The following SGCZ variants were observed in gnomAD, a reference collection of about 807,000 sequenced individuals.
SGCZ encodes the protein sarcoglycan zeta.
In SGCZ, 40 loss-of-function variants were observed where a neutral mutation model predicts 41.3. The observed-to-expected ratio is 0.97, with a 90% CI of 0.75 to 1.26. The LOEUF is 1.26. SGCZ is among the 50% of genes most tolerant of loss of function. The probability of loss-of-function intolerance (pLI) is 0.00; values close to 1 mark genes in which losing one functional copy is unlikely to be tolerated. For synonymous variants in SGCZ, 206 were observed against 137.5 expected (o/e 1.50, Z -3.49); for missense variants, 552 against 369.8 (o/e 1.49, Z -4.04).
In SGCZ at chr8:14,272,549, G is replaced by C. The variant is rs1306029071; in HGVS notation, c.337-34870C>G. 2.0e-5 allele frequency among the ~76,000 whole-genome samples: 3 copies of C among 152,274 alleles called. No homozygotes were observed. In the East Asian group the frequency reaches 5.8e-4, roughly 30 times the overall value. On this transcript the variant is annotated intron_variant, in intron 3 of 7. Transcript: ENST00000382080. The stretch of plus-strand genomic sequence containing the variant: ...ATATGACATGACTGAACTTGGAGTT[G>C]TCAGTGAAAGCACAAATTAATTCCT...
intron 5 of SGCZ, among the ~76,000 whole-genome samples, chr8:14,119,024 A>G (rs1462753969): frequency 2.0e-5 from 3 of 152,152 alleles, no homozygotes; most frequent in Non-Finnish European, 4.4e-5. Context: ...CTTTTTACTT[A>G]GGATTGTCTT....
intron 1 of SGCZ, among the ~76,000 whole-genome samples, chr8:15,156,074 A>T (rs928283601): frequency 2.6e-5 from 4 of 151,476 alleles, no homozygotes; most frequent in South Asian, 2.1e-4. Flanking sequence ...AAAAAAAAAA[A>T]ATAGAAGAGT....
At chr8:14,164,900 G>C (rs1239577149) in intron 4 of SGCZ, 198 bp from the exon 5 acceptor site, 4 of 631,586 alleles carry the variant, frequency 6.3e-6, no homozygotes, top group Non-Finnish European at 1.0e-5. Context: ...TGCTAGGCTG[G>C]TTAGGCATAC....
At chr8:14,809,858 C>T (rs1801687145) in intron 1 of SGCZ, among the ~76,000 whole-genome samples, 1 of 151,912 alleles carries the variant, frequency 6.6e-6, no homozygotes, top group African/African-American at 2.4e-5. Flanking sequence ...GAACGCAAGC[C>T]ATAAGAAATG....
At chr8:14,726,326 A>ATATATATATATATC (rs1446432039) in intron 1 of SGCZ, among the ~76,000 whole-genome samples, 2 of 142,468 alleles carry the variant, frequency 1.4e-5, no homozygotes, top group African/African-American at 5.0e-5. Context: ...ATATATATCT[A>ATATATATATATATC]TATATATATA....
Position 14,613,636 on chromosome 8 carries a change from C to G in SGCZ, c.40-58710G>C, listed in dbSNP as rs559197098. ...AGCATGCAGAATTTGCAGGGGTATA[C>G]GCCATTAAATCATGTAAATGATATG... On this transcript the variant is annotated intron_variant, in intron 1 of 7. Transcript: ENST00000382080. Among the ~76,000 whole-genome samples the G allele has an allele frequency of 5.9e-5, 9 of 152,182 alleles. No homozygotes were observed. The East Asian group carries it at 1.6e-3, about 26-fold the overall frequency.
At chr8:15,004,271 G>A (rs1209723258) in intron 1 of SGCZ, among the ~76,000 whole-genome samples, 1 of 152,114 alleles carries the variant, frequency 6.6e-6, no homozygotes, top group Non-Finnish European at 1.5e-5. Context: ...TCCTGAGGTG[G>A]CGATAATGAG....
chr8:14,785,845 G>C (rs898942228), intron 1 of SGCZ, among the ~76,000 whole-genome samples: 6 of 151,366 alleles, frequency 4.0e-5, no homozygotes, highest in African/African-American at 4.8e-5. Flanking sequence ...CTTTCACAGA[G>C]TTTCTTACTT....
intron 3 of SGCZ, among the ~76,000 whole-genome samples, chr8:14,302,143 G>C (rs2116974658): frequency 6.7e-6 from 1 of 149,218 alleles, no homozygotes; most frequent in East Asian, 2.0e-4. Flanking sequence ...AACCTATTAT[G>C]TTATATTAAT....
At chr8:14,350,691 G>T (rs186788727) in intron 2 of SGCZ, among the ~76,000 whole-genome samples, 2 of 152,164 alleles carry the variant, frequency 1.3e-5, no homozygotes, top group Admixed American at 6.5e-5. Flanking sequence ...TTGCATGACA[G>T]TTCAGCCTCT....
At chr8:14,315,520 C>T (rs1034479646) in intron 3 of SGCZ, among the ~76,000 whole-genome samples, 17 of 151,956 alleles carry the variant, frequency 1.1e-4, no homozygotes, top group African/African-American at 1.7e-4. Flanking sequence ...AGTTAACCCA[C>T]GCACAATTTA....
intron 2 of SGCZ, among the ~76,000 whole-genome samples, chr8:14,528,838 C>CA (rs199553893): frequency 0.019 from 2,723 of 142,004 alleles, 91 homozygotes; most frequent in East Asian, 0.083. Flanking sequence ...AAAAAAAAAA[C>CA]AAAACAAAAA....
At chr8:14,432,914 C>CAAAAAAAAAAAAAAAAAAAA (rs767979164) in intron 2 of SGCZ, among the ~76,000 whole-genome samples, 7 of 75,630 alleles carry the variant, frequency 9.3e-5, no homozygotes, top group African/African-American at 1.9e-4. Context: ...ACTGTGTCTC[C>CAAAAAAAAAAAAAAAAAAAA]AAAAAAAAAA....
chr8:14,392,764 A>C (rs189432440), intron 2 of SGCZ, among the ~76,000 whole-genome samples: 1 of 152,334 alleles, frequency 6.6e-6, no homozygotes, highest in East Asian at 1.9e-4. Context: ...CATATTTATC[A>C]TTAATTTTTC....
chr8:14,640,730 A>G (rs906174674), intron 1 of SGCZ, among the ~76,000 whole-genome samples: 2 of 151,512 alleles, frequency 1.3e-5, no homozygotes, highest in African/African-American at 4.8e-5. Context: ...CCTAAAGCTA[A>G]AAGATAGGCT....
At chr8:14,316,094 G>T in intron 3 of SGCZ, among the ~76,000 whole-genome samples, 1 of 151,804 alleles carries the variant, frequency 6.6e-6, no homozygotes, top group African/African-American at 2.4e-5. Flanking sequence ...CAATTTCATG[G>T]TGGAATTAAA....
At chr8:14,626,230 G>C (rs1197572909) in intron 1 of SGCZ, among the ~76,000 whole-genome samples, 1 of 152,004 alleles carries the variant, frequency 6.6e-6, no homozygotes, top group Non-Finnish European at 1.5e-5. Flanking sequence ...TGTCATGGTG[G>C]TTTGCAGCAG....
chr8:15,237,737 C>A lies in SGCZ; in HGVS notation c.-114G>T. 1 of 1,106,736 alleles carries A rather than the reference C, an allele frequency of 9.0e-7. No individual in the cohort carries two copies. The allele number at this position is 1,106,736 out of a possible 1,614,324, so 68.6% of individuals were successfully genotyped here. A position where few individuals can be genotyped will look rare whatever the true frequency, so the allele number is the denominator to read the frequency against. On this transcript the variant is annotated 5_prime_UTR_variant, in exon 1 of 8. Coordinates refer to ENST00000382080, the MANE Select transcript of SGCZ (RefSeq NM_139167.4). ...TATCCTCCTCCAAGCCCCGGCAGCT[C>A]CTCTCAGTCTCATTCTCCGTGGTCA...
At chr8:14,616,828 A>G (rs1318336520) in intron 1 of SGCZ, among the ~76,000 whole-genome samples, 1 of 152,218 alleles carries the variant, frequency 6.6e-6, no homozygotes, top group African/African-American at 2.4e-5. Flanking sequence ...TAAGATCTCC[A>G]TAAGCCTTAT....
Sources: allele counts gnomAD v4.1 joint callset (sites outside exome capture counted in the v4.1 genomes callset), GRCh38; gene constraint gnomAD v4.1.1; transcripts MANE v1.5; gene names NCBI Gene and HGNC (gene_info 2026-07-23, HGNC 2026-07-21).